The following ACRBP variants were observed in gnomAD, a reference collection of about 807,000 sequenced individuals.
The protein encoded by ACRBP is acrosin-binding protein.
In ACRBP, 52 loss-of-function variants were observed where a neutral mutation model predicts 69.0. That is an observed-to-expected ratio of 0.75 (90% CI 0.60 to 0.95). The LOEUF is 0.95. ACRBP is among the 40% of genes least tolerant of loss of function. The pLI is 0.00. For missense variants in ACRBP, 604 were observed against 673.0 expected (o/e 0.90, Z 1.13); for synonymous variants, 267 against 258.9 (o/e 1.03, Z -0.30).
Position 6,647,402 on chromosome 12 carries a change from A to AG in ACRBP, c.-37dup. On this transcript the variant is annotated 5_prime_UTR_variant, in exon 1 of 10. Coordinates refer to ENST00000229243, the MANE Select transcript of ACRBP (RefSeq NM_032489.3). ...GATCCGCCCGCGTCCCGTGGACACA[A>AG]GCCGCCTCTAACGGGCCAAGCCGCA... 1 of 1,498,130 alleles carries AG rather than the reference A, an allele frequency of 6.7e-7. No individual in the cohort carries two copies. The highest frequency in any genetic ancestry group is 8.9e-7 in the Non-Finnish European group (1 of 1,121,424). The allele number at this position is 1,498,130 out of a possible 1,614,324, so 92.8% of individuals were successfully genotyped here.
chr12:6,647,239 G>A, intron 1 of ACRBP, 85 bp downstream of exon 1: 1 of 1,454,184 alleles, frequency 6.9e-7, no homozygotes, highest in East Asian at 2.5e-5. Flanking sequence ...ATGAGGAAGC[G>A]ATCCAGAAAC....
rs1045553 is a variant in ACRBP, at chr12:6,638,129, G to A, written c.*153C>T. ...TTTTAAGGAGGGCGCAGCTCCCACC[G>A]TGGCCCTCTCTGGGACTGTTGCTCC... On this transcript the variant is annotated 3_prime_UTR_variant, in exon 10 of 10. Coordinates refer to ENST00000229243, the MANE Select transcript of ACRBP (RefSeq NM_032489.3). The A allele has an allele frequency of 0.77, 800,578 of 1,046,392 alleles. 310,480 individuals are homozygous for A. Among genetic ancestry groups the A allele is most frequent in the Non-Finnish European group, 0.8 (574,968 of 718,892 alleles). The allele number at this position is 1,046,392 out of a possible 1,614,324, so 64.8% of individuals were successfully genotyped here. A position where few individuals can be genotyped will look rare whatever the true frequency, so the allele number is the denominator to read the frequency against.
chr12:6,645,589 G>GT (rs1272114224), intron 3 of ACRBP, among the ~76,000 whole-genome samples: 1 of 151,946 alleles, frequency 6.6e-6, no homozygotes, highest in Non-Finnish European at 1.5e-5. Flanking sequence ...TCGAAGAAAC[G>GT]TAAGGGCTTA....
chr12:6,641,407 G>C (rs1949052142), intron 6 of ACRBP, among the ~76,000 whole-genome samples: 1 of 152,170 alleles, frequency 6.6e-6, no homozygotes, highest in South Asian at 2.1e-4. Context: ...TCCCTGGCCA[G>C]AAATCTTTAT....
chr12:6,638,332 G>T lies in ACRBP; in HGVS notation c.1582C>A (p.Leu528Ile). The T allele has an allele frequency of 6.2e-7, 1 of 1,614,160 alleles. No homozygotes were observed. Among genetic ancestry groups the T allele is most frequent in the South Asian group, 1.1e-5 (1 of 91,088 alleles). The change falls in exon 10 of 10, where the codon CTT becomes ATT. Residue 528 changes from leucine (L) to isoleucine (I), a missense_variant. Physicochemically the swap from Leu to Ile is conservative, Grantham distance 5 (BLOSUM62 2). Coordinates refer to ENST00000229243, the MANE Select transcript of ACRBP (RefSeq NM_032489.3). ...LSPGKSEDVV[L>I]RWSQEFSTLT... ...GTGCTGAACTCCTGGCTCCATCGAAGCACAACGTCCTCACTTTTGCCAGGG... is the reference window on the plus strand; with the variant it reads ...GTGCTGAACTCCTGGCTCCATCGAATCACAACGTCCTCACTTTTGCCAGGG...
rs1367614433 is a variant in ACRBP, at chr12:6,647,140, G to A, written c.44-128C>T. 3.6e-6 allele frequency: 4 copies of A among 1,099,970 alleles called. No individual in the cohort carries two copies. The African/African-American group carries it at 6.3e-5, about 17-fold the overall frequency. The allele number at this position is 1,099,970 out of a possible 1,614,324, so 68.1% of individuals were successfully genotyped here. A position where few individuals can be genotyped will look rare whatever the true frequency, so the allele number is the denominator to read the frequency against. On this transcript the variant is annotated intron_variant, in intron 1 of 9. Transcript: ENST00000229243. Reference sequence around the variant, plus strand: ...TTATCCCTGCTGACCAGGGCGGGGGGAGTCTAGAGACAGAGGCAAAGGTCC... The same window carrying A: ...TTATCCCTGCTGACCAGGGCGGGGGAAGTCTAGAGACAGAGGCAAAGGTCC...
At position 6,645,761 on chromosome 12, in the gene ACRBP, C is replaced by T. The variant is rs895485778; in HGVS notation, c.358-424G>A. Among the ~76,000 whole-genome samples, 6 of 148,940 alleles carry T rather than the reference C, an allele frequency of 4.0e-5. No homozygotes were observed. In the South Asian group the frequency reaches 1.3e-3, roughly 32 times the overall value. On this transcript the variant is annotated intron_variant, in intron 3 of 9. Coordinates refer to ENST00000229243, the MANE Select transcript of ACRBP (RefSeq NM_032489.3). ...CTGCAAGCCCCACCTCCCGGGTTCA[C>T]GCCATTCTCCTGCCTCAGTCTCTCG...
intron 3 of ACRBP, among the ~76,000 whole-genome samples, chr12:6,645,861 C>T (rs1349878629): frequency 2.0e-5 from 3 of 151,654 alleles, no homozygotes; most frequent in African/African-American, 4.8e-5. Context: ...AGAGTTTCAC[C>T]GTGTTAGCCA....
intron 4 of ACRBP, 100 bp downstream of exon 4, chr12:6,645,120 C>T (rs1230959555): frequency 4.2e-6 from 4 of 957,838 alleles, no homozygotes; most frequent in East Asian, 5.0e-5. Flanking sequence ...CCCTTCCCGC[C>T]CAACATGCTT....
At chr12:6,643,502 A>C in intron 6 of ACRBP, 37 bp downstream of exon 6, 1 of 1,610,656 alleles carries the variant, frequency 6.2e-7, no homozygotes, top group Non-Finnish European at 8.5e-7. Flanking sequence ...GAGGATGCCC[A>C]GTGGCATGTA....
At chr12:6,644,958 C>T (rs530923046) in intron 4 of ACRBP, among the ~76,000 whole-genome samples, 4 of 152,168 alleles carry the variant, frequency 2.6e-5, no homozygotes, top group Non-Finnish European at 2.9e-5. Flanking sequence ...CCTAGAGGTC[C>T]TTTGTAATGC....
In ACRBP at chr12:6,644,501, C is replaced by G. The variant is rs771849510; in HGVS notation, c.580G>C (p.Glu194Gln). 1.1e-4 allele frequency: 182 copies of G among 1,613,950 alleles called. 1 individual carries two copies. The highest frequency in any genetic ancestry group is 1.5e-4 in the Non-Finnish European group (178 of 1,180,028). ...LSLGGQEQAPEHKQEQGVEHR... is the reference protein window; with the variant it reads ...LSLGGQEQAPQHKQEQGVEHR... The stretch of plus-strand genomic sequence containing the variant: ...TCCACTCCTTGCTCCTGCTTGTGCT[C>G]TGGCGCTTGCTCCTGGCCTCCCAGG... Residue 194 changes from glutamate (E) to glutamine (Q), a missense_variant, in exon 5 of 10, where the codon GAG becomes CAG. Coordinates refer to ENST00000229243, the MANE Select transcript of ACRBP (RefSeq NM_032489.3).
rs183546956 is a variant in ACRBP at position 6,639,996 on chromosome 12, C to A, written c.1425+64G>T. On this transcript the variant is annotated intron_variant, in intron 8 of 9. Transcript: ENST00000229243. The stretch of plus-strand genomic sequence containing the variant: ...TTCCACAAACTAGCGCTACTCACAG[C>A]AAGTAACTGGAAGGAATGGGGTGAG... 4.4e-5 allele frequency: 69 copies of A among 1,582,186 alleles called. No homozygotes were observed. The African/African-American group carries it at 8.3e-4, about 19-fold the overall frequency.
At chr12:6,645,589 G>A (rs1206960074) in intron 3 of ACRBP, among the ~76,000 whole-genome samples, 1 of 151,946 alleles carries the variant, frequency 6.6e-6, no homozygotes, top group Non-Finnish European at 1.5e-5. Flanking sequence ...TCGAAGAAAC[G>A]TAAGGGCTTA....
chr12:6,640,379 G>A lies in ACRBP; in HGVS notation c.1221C>T (p.Pro407=), dbSNP rs903170718. 8 of 1,614,054 alleles carry A rather than the reference G, an allele frequency of 5.0e-6. No individual in the cohort carries two copies. Among genetic ancestry groups the A allele is most frequent in the African/African-American group, 1.3e-5 (1 of 74,926 alleles). Residue 407 remains proline, a synonymous_variant, in exon 7 of 10, where the codon CCC becomes CCT. Coordinates refer to ENST00000229243, the MANE Select transcript of ACRBP (RefSeq NM_032489.3). This position sits in a 1 kb window ranked among gnomAD's most constrained non-coding sequence, Gnocchi z 5.3. The part of the protein sequence containing the change: ...DTSHKTPFVS[P]LLASQSLSIG... ...TGGACAGGCTCTGGGAGGCAAGCAAGGGGCTGACAAAGGGAGTCTTGTGGG... is the reference window on the plus strand; with the variant it reads ...TGGACAGGCTCTGGGAGGCAAGCAAAGGGCTGACAAAGGGAGTCTTGTGGG...
chr12:6,638,615 G>A (rs950736750), intron 9 of ACRBP: 17 of 1,271,538 alleles, frequency 1.3e-5, no homozygotes, highest in Middle Eastern at 2.8e-4. Context: ...AGGCGGCTGA[G>A]GCTCAGAGGG....
At chr12:6,642,506 A>T (rs1018325790) in intron 6 of ACRBP, among the ~76,000 whole-genome samples, 1 of 152,190 alleles carries the variant, frequency 6.6e-6, no homozygotes, top group Non-Finnish European at 1.5e-5. Context: ...TGGTTAACCC[A>T]TCATTCCAGT....
intron 6 of ACRBP, among the ~76,000 whole-genome samples, chr12:6,642,631 G>A (rs1020578316): frequency 6.6e-6 from 1 of 152,042 alleles, no homozygotes; most frequent in Non-Finnish European, 1.5e-5. Context: ...CTAGTTACTT[G>A]AGCTTTATAG....
intron 9 of ACRBP, 107 bp downstream of exon 9, chr12:6,638,847 C>G (rs1386284196): frequency 6.4e-7 from 1 of 1,564,058 alleles, no homozygotes; most frequent in Non-Finnish European, 8.7e-7. Flanking sequence ...AAGCAGGAAC[C>G]GCTTTCCACA....
Sources: gnomAD v4.1 joint callset for allele counts (sites outside exome capture counted in the v4.1 genomes callset) on GRCh38, gnomAD v4.1.1 for gene constraint, Gnocchi (gnomAD v3.1) non-coding constraint, MANE v1.5 for transcripts, NCBI Gene and HGNC (gene_info 2026-07-23, HGNC 2026-07-21) for gene names.